Variants in EYA4 observed in about 807,000 individuals in gnomAD.
The protein encoded by EYA4 is EYA transcriptional coactivator and phosphatase 4.
EYA4 carries 31 observed loss-of-function variants against 87.9 expected under a neutral mutation model. The observed-to-expected ratio is 0.35, with a 90% CI of 0.27 to 0.48. EYA4 has a LOEUF of 0.48. Ranked by LOEUF, EYA4 falls within the 20% of genes least tolerant of loss-of-function variation. The probability of loss-of-function intolerance (pLI) is 0.99; values close to 1 mark genes in which losing one functional copy is unlikely to be tolerated. For missense variants in EYA4, 678 were observed against 761.4 expected (o/e 0.89, Z 1.29); for synonymous variants, 263 against 270.6 (o/e 0.97, Z 0.28).
At chr6:133,482,782 G>A (rs1429553775) in intron 12 of EYA4, among the ~76,000 whole-genome samples, 3 of 152,084 alleles carry the variant, frequency 2.0e-5, no homozygotes, top group Admixed American at 2.0e-4. Flanking sequence ...TGTTAACTAC[G>A]AGTAAATGTA....
chr6:133,478,630 C>T (rs1384300658), intron 11 of EYA4, among the ~76,000 whole-genome samples: 1 of 152,140 alleles, frequency 6.6e-6, no homozygotes, highest in Non-Finnish European at 1.5e-5. Flanking sequence ...AGTTACCCTT[C>T]ATAGTTTTCT....
chr6:133,337,226 T>C (rs1052416801), intron 2 of EYA4, among the ~76,000 whole-genome samples: 4 of 152,174 alleles, frequency 2.6e-5, no homozygotes, highest in Non-Finnish European at 5.9e-5. Flanking sequence ...AATGGATGGC[T>C]GTGGAACACC....
chr6:133,517,967 C>T (rs1799746611), intron 17 of EYA4, among the ~76,000 whole-genome samples: 1 of 152,156 alleles, frequency 6.6e-6, no homozygotes, highest in South Asian at 2.1e-4. Context: ...AGTAGGAATC[C>T]TGCAAGGGAG....
Position 133,523,286 on chromosome 6 carries a change from A to G in EYA4, c.1738+109A>G, listed in dbSNP as rs1800345568. 3 of 1,173,786 alleles carry G rather than the reference A, an allele frequency of 2.6e-6. No individual in the cohort carries two copies. The South Asian group carries it at 3.7e-5, about 15-fold the overall frequency. The allele number at this position is 1,173,786 out of a possible 1,614,324, so 72.7% of individuals were successfully genotyped here. ...TAGTACATGAAACAAATTTGGATAA[A>G]GTTCAAATTACAAAGTCCCCTACAA... is the stretch of plus-strand genomic sequence containing the variant. On this transcript the variant is annotated intron_variant, in intron 18 of 19. Coordinates refer to ENST00000355286, the MANE Select transcript of EYA4 (RefSeq NM_004100.5).
chr6:133,318,867 A>G lies in EYA4; in HGVS notation c.33+44054A>G, dbSNP rs146079407. ...TTTCTTCTTCCACTTCCTTTGTACT[A>G]TTCATGGTTTTTACGCACGCACTAT... On this transcript the variant is annotated intron_variant, in intron 2 of 19. Coordinates refer to ENST00000355286, the MANE Select transcript of EYA4 (RefSeq NM_004100.5). Among the ~76,000 whole-genome samples, 32 of 152,132 alleles carry G rather than the reference A, an allele frequency of 2.1e-4. No homozygotes were observed. The East Asian group carries it at 5.6e-3, about 27-fold the overall frequency.
chr6:133,281,645 G>A (rs901524607), intron 2 of EYA4, among the ~76,000 whole-genome samples: 9 of 152,090 alleles, frequency 5.9e-5, no homozygotes, highest in Non-Finnish European at 1.0e-4. Flanking sequence ...GATTTCAGGG[G>A]TACGTGTGCA....
chr6:133,514,712 C>T (rs573852979), intron 16 of EYA4, among the ~76,000 whole-genome samples: 1 of 152,222 alleles, frequency 6.6e-6, no homozygotes, highest in Non-Finnish European at 1.5e-5. Context: ...TTTCTTTTAA[C>T]ATCAATATTA....
intron 2 of EYA4, among the ~76,000 whole-genome samples, chr6:133,369,570 T>TTA (rs1785111551): frequency 1.3e-5 from 2 of 152,262 alleles, no homozygotes; most frequent in African/African-American, 4.8e-5. Flanking sequence ...GCCCTGTACT[T>TTA]TTTAGAGTGA....
intron 3 of EYA4, among the ~76,000 whole-genome samples, chr6:133,421,072 C>T (rs2128560460): frequency 6.6e-6 from 1 of 152,320 alleles, no homozygotes; most frequent in African/African-American, 2.4e-5. Flanking sequence ...CACTTCTTCC[C>T]TCCATTTGGC....
intron 2 of EYA4, among the ~76,000 whole-genome samples, chr6:133,340,610 A>C (rs1012644423): frequency 1.3e-5 from 2 of 152,152 alleles, no homozygotes; most frequent in Non-Finnish European, 2.9e-5. Flanking sequence ...AAGGATGTGC[A>C]CTGGCCCCAA....
At position 133,463,640 on chromosome 6, in the gene EYA4, C is replaced by T. The variant is rs139761601; in HGVS notation, c.724+876C>T. Among the ~76,000 whole-genome samples, 572 of 152,166 alleles carry T rather than the reference C, an allele frequency of 3.8e-3. 3 individuals are homozygous for T. The highest frequency in any genetic ancestry group is 6.8e-3 in the Middle Eastern group (2 of 294). On this transcript the variant is annotated intron_variant, in intron 9 of 19. Coordinates refer to ENST00000355286, the MANE Select transcript of EYA4 (RefSeq NM_004100.5). Reference sequence around the variant, plus strand: ...CCTCCCAAAGTACTGGGATTACAGGCGTGAGCCACCATGCCTAGCTGTGTT... The same window carrying T: ...CCTCCCAAAGTACTGGGATTACAGGTGTGAGCCACCATGCCTAGCTGTGTT...
intron 13 of EYA4, among the ~76,000 whole-genome samples, chr6:133,498,556 T>A (rs1797830056): frequency 6.6e-6 from 1 of 152,202 alleles, no homozygotes; most frequent in African/African-American, 2.4e-5. Context: ...TACCTCATAA[T>A]ATGAGTCAGT....
At chr6:133,251,419 A>G (rs1774891472) in intron 1 of EYA4, among the ~76,000 whole-genome samples, 1 of 151,968 alleles carries the variant, frequency 6.6e-6, no homozygotes, top group Non-Finnish European at 1.5e-5. Flanking sequence ...CTACTTACAG[A>G]ATTTATCACT....
chr6:133,388,338 C>T (rs984103273), intron 3 of EYA4, among the ~76,000 whole-genome samples: 5 of 148,782 alleles, frequency 3.4e-5, no homozygotes, highest in Admixed American at 1.4e-4. Flanking sequence ...ACCTGGGGGG[C>T]GGAGGTTGCA....
At position 133,531,334 on chromosome 6, in the gene EYA4, A is replaced by G. The variant is rs1801000297; in HGVS notation, c.*2529A>G. 4 of 765,252 alleles carry G rather than the reference A, an allele frequency of 5.2e-6. No individual in the cohort carries two copies. The highest frequency in any genetic ancestry group is 2.4e-5 in the Admixed American group (1 of 41,586). The allele number at this position is 765,252 out of a possible 1,614,324, so 47.4% of individuals were successfully genotyped here. On this transcript the variant is annotated 3_prime_UTR_variant, in exon 20 of 20. Coordinates refer to ENST00000355286, the MANE Select transcript of EYA4 (RefSeq NM_004100.5). ...ATGGGACGTTGAGTATGCACAAACTAGAACTCTTCCCTTCCCACCTTAGGA... is the reference window on the plus strand; with the variant it reads ...ATGGGACGTTGAGTATGCACAAACTGGAACTCTTCCCTTCCCACCTTAGGA...
At chr6:133,507,353 A>G (rs1798732125) in intron 14 of EYA4, 1 of 147,078 alleles carries the variant, frequency 6.8e-6, no homozygotes, top group Admixed American at 7.0e-5. Context: ...GAGAAAGAAA[A>G]GCCAAGTTAT....
intron 14 of EYA4, chr6:133,510,487 A>G (rs374478997): frequency 4.3e-5 from 15 of 351,976 alleles, no homozygotes; most frequent in Admixed American, 3.0e-5. Flanking sequence ...GAAAAACTTT[A>G]TTTCCAACCC....
chr6:133,304,993 C>T (rs1779697948), intron 2 of EYA4, among the ~76,000 whole-genome samples: 1 of 152,066 alleles, frequency 6.6e-6, no homozygotes. Context: ...AGAGGGAAGG[C>T]TGCAATTTTA....
intron 2 of EYA4, among the ~76,000 whole-genome samples, chr6:133,345,401 A>G (rs965291796): frequency 3.9e-5 from 6 of 152,180 alleles, no homozygotes; most frequent in African/African-American, 1.2e-4. Context: ...TATGATGTAT[A>G]TATCTTTGCA....
Sources: gnomAD v4.1 joint callset for allele counts (sites outside exome capture counted in the v4.1 genomes callset) on GRCh38, gnomAD v4.1.1 for gene constraint, MANE v1.5 for transcripts, NCBI Gene and HGNC (gene_info 2026-07-23, HGNC 2026-07-21) for gene names.